CROT: variants seen among roughly 807,000 people sequenced by gnomAD.
CROT encodes the protein peroxisomal carnitine O-octanoyltransferase.
Under a neutral mutation model 89.2 loss-of-function variants are expected in CROT, and 84 were observed. The ratio of observed to expected loss-of-function variants is 0.94; its 90% CI spans 0.79 to 1.13. The LOEUF (loss-of-function observed/expected upper bound fraction) is 1.13. CROT is among the 50% of genes most tolerant of loss of function. CROT has a pLI of 0.00. For synonymous variants in CROT, 212 were observed against 239.5 expected, an observed-to-expected ratio of 0.89 and a Z score of 1.06; for missense variants, 711 against 727.8, an observed-to-expected ratio of 0.98 and a Z score of 0.27.
chr7:87,351,789 G>C (rs1805877159), intron 3 of CROT, among the ~76,000 whole-genome samples: 1 of 152,168 alleles, frequency 6.6e-6, no homozygotes, highest in South Asian at 2.1e-4. Context: ...CTCCACTTTG[G>C]AGAAAGTTGT....
intron 3 of CROT, among the ~76,000 whole-genome samples, chr7:87,358,986 A>G (rs1268445120): frequency 6.6e-6 from 1 of 152,150 alleles, no homozygotes; most frequent in East Asian, 1.9e-4. Flanking sequence ...CTCCCTCCCG[A>G]CTTGCTAATC....
At chr7:87,358,679 C>A (rs1806178505) in intron 3 of CROT, among the ~76,000 whole-genome samples, 1 of 151,926 alleles carries the variant, frequency 6.6e-6, no homozygotes, top group South Asian at 2.1e-4. Context: ...TCATAAAAAT[C>A]TTCATCCTGA....
chr7:87,382,620 A>C, intron 13 of CROT, 77 bp downstream of exon 13: 1 of 1,427,882 alleles, frequency 7.0e-7, no homozygotes, highest in Non-Finnish European at 9.4e-7. Flanking sequence ...TTTCATCCTA[A>C]CTCCTCAGTA....
At chr7:87,364,258 A>T (rs937810516) in intron 6 of CROT, among the ~76,000 whole-genome samples, 2 of 152,178 alleles carry the variant, frequency 1.3e-5, no homozygotes, top group African/African-American at 4.8e-5. Flanking sequence ...TACTTTTGGG[A>T]CATATGTAAA....
intron 10 of CROT, among the ~76,000 whole-genome samples, chr7:87,380,325 T>C (rs957042822): frequency 1.3e-5 from 2 of 152,272 alleles, no homozygotes; most frequent in East Asian, 1.9e-4. Context: ...AGAGGGTGCA[T>C]AGGAAGCATG....
chr7:87,390,639 A>C (rs1443522103), intron 13 of CROT, among the ~76,000 whole-genome samples: 8 of 152,136 alleles, frequency 5.3e-5, no homozygotes, highest in Non-Finnish European at 1.2e-4. Flanking sequence ...AACCAATAAG[A>C]AAGTAAGAGA....
Position 87,381,857 on chromosome 7 carries a change from C to A in CROT, c.979-53C>A. On this transcript the variant is annotated intron_variant, in intron 10 of 17. Transcript: ENST00000331536. ...ACAAAGTGAAAATAAAATATTGGGT[C>A]AAGTTTTAAGTTGACATAAAGTATT... is the stretch of plus-strand genomic sequence containing the variant. 3.2e-6 allele frequency: 4 copies of A among 1,261,480 alleles called. No homozygotes were observed. The South Asian group carries it at 5.4e-5, about 17-fold the overall frequency. The allele number at this position is 1,261,480 out of a possible 1,614,324, so 78.1% of individuals were successfully genotyped here.
At chr7:87,349,563 T>C (rs1414225058) in intron 3 of CROT, among the ~76,000 whole-genome samples, 2 of 152,096 alleles carry the variant, frequency 1.3e-5, no homozygotes, top group Non-Finnish European at 2.9e-5. Flanking sequence ...CAAAGAATTA[T>C]GTTAATCATC....
chr7:87,358,407 A>G (rs965581091), intron 3 of CROT, among the ~76,000 whole-genome samples: 83 of 144,010 alleles, frequency 5.8e-4, no homozygotes, highest in African/African-American at 2.1e-3. Context: ...GTGTGAACCC[A>G]GGAGGCGGAG....
intron 13 of CROT, among the ~76,000 whole-genome samples, chr7:87,390,896 G>A (rs189696614): frequency 3.3e-4 from 50 of 152,258 alleles, no homozygotes; most frequent in African/African-American, 1.2e-3. Context: ...CATATTTTGT[G>A]GGTCAGTAAT....
chr7:87,348,027 C>T (rs950422013), intron 2 of CROT, among the ~76,000 whole-genome samples: 1 of 152,188 alleles, frequency 6.6e-6, no homozygotes, highest in Non-Finnish European at 1.5e-5. Context: ...ATAGTCTCTT[C>T]TGTGTCCATG....
rs757889524 is a variant in CROT, at chr7:87,357,520, C to G, written c.116-1686C>G. ...GTCCCTTTGTAGTCACCAGAACATG[C>G]TACCAGATAAGGGGTCTTGATCCAG... is the stretch of plus-strand genomic sequence containing the variant. On this transcript the variant is annotated intron_variant, in intron 3 of 17. Transcript: ENST00000331536. The G allele has an allele frequency of 5.7e-5, 88 of 1,547,576 alleles. No individual in the cohort carries two copies. In the South Asian group the frequency reaches 9.9e-4, roughly 17 times the overall value.
rs141568955 is a variant in CROT at position 87,393,049 on chromosome 7, A to C, written c.1700A>C (p.Tyr567Ser). The C allele has an allele frequency of 6.2e-7, 1 of 1,613,260 alleles. No individual in the cohort carries two copies. The highest frequency in any genetic ancestry group is 1.3e-5 in the African/African-American group (1 of 74,864). ...GTACACAATGGTTATGGATTTTTCT[A>C]CCATATCAGAGATGACAGGTGAGGC... is the stretch of plus-strand genomic sequence containing the variant. ...PMVHNGYGFF[Y>S]HIRDDRFVVA... The change falls in exon 17 of 18, where the codon TAC becomes TCC. Residue 567 changes from tyrosine (Y) to serine (S), a missense_variant. Physicochemically the swap from Tyr to Ser is moderately radical, Grantham distance 144 (BLOSUM62 -2). Coordinates refer to ENST00000331536, the MANE Select transcript of CROT (RefSeq NM_021151.4).
rs146451977 is a variant in CROT, at chr7:87,375,661, A to T, written c.686A>T (p.His229Leu). 103 of 1,613,380 alleles carry T rather than the reference A, an allele frequency of 6.4e-5. No homozygotes were observed. Among genetic ancestry groups the T allele is most frequent in the Non-Finnish European group, 8.4e-5 (99 of 1,179,496 alleles). Residue 229 changes from histidine (H) to leucine (L), a missense_variant, in exon 8 of 18, where the codon CAT becomes CTT. His to Leu is a moderately conservative substitution (Grantham distance 99). Transcript: ENST00000331536. Reference protein sequence around the residue: ...RQLTYIHKKCHSEPDGPGIAA... With the variant: ...RQLTYIHKKCLSEPDGPGIAA... The stretch of plus-strand genomic sequence containing the variant: ...CTGACATATATCCACAAGAAGTGCC[A>T]TAGTGAACCTGATGGACCTGGGATT...
chr7:87,379,228 A>G (rs1256637179), intron 10 of CROT, among the ~76,000 whole-genome samples: 1 of 152,182 alleles, frequency 6.6e-6, no homozygotes, highest in Non-Finnish European at 1.5e-5. Flanking sequence ...TCCTCTTAAC[A>G]GTATTTTCCT....
chr7:87,364,700 A>G (rs920354643), intron 6 of CROT, among the ~76,000 whole-genome samples: 5 of 152,204 alleles, frequency 3.3e-5, no homozygotes, highest in Admixed American at 1.3e-4. Context: ...GGAGAAGATA[A>G]GGAGCCAAAG....
Position 87,398,556 on chromosome 7 carries a change from G to T in CROT, c.1751G>T (p.Cys584Phe), listed in dbSNP as rs1475370553. 4 of 1,613,582 alleles carry T rather than the reference G, an allele frequency of 2.5e-6. No individual in the cohort carries two copies. Among genetic ancestry groups the T allele is most frequent in the Non-Finnish European group, 3.4e-6 (4 of 1,179,882 alleles). The change falls in exon 18 of 18, where the codon TGT becomes TTT. Residue 584 changes from cysteine (C) to phenylalanine (F), a missense_variant. Transcript: ENST00000331536. ...FVVACSAWKS[C>F]PETDAEKLVQ... ...GTGGCCTGTTCAGCCTGGAAATCCT[G>T]TCCCGAGACTGATGCGGAAAAGCTA...
rs183243288 is a variant in CROT at position 87,370,051 on chromosome 7, A to C, written c.656+567A>C. ...CTATACCTCTTTTACCTTTTCCCTC[A>C]CTTTCCCATGGATTATTTTGAAGAT... is the stretch of plus-strand genomic sequence containing the variant. On this transcript the variant is annotated intron_variant, in intron 7 of 17. Transcript: ENST00000331536. Among the ~76,000 whole-genome samples, 16 of 152,054 alleles carry C rather than the reference A, an allele frequency of 1.1e-4. No individual in the cohort carries two copies. The East Asian group carries it at 2.9e-3, about 28-fold the overall frequency.
At chr7:87,349,526 C>A (rs547301643) in intron 3 of CROT, among the ~76,000 whole-genome samples, 84 of 152,244 alleles carry the variant, frequency 5.5e-4, no homozygotes, top group African/African-American at 1.9e-3. Context: ...AGAAAACAAT[C>A]CTTGACATTT....
Sources: allele counts gnomAD v4.1 joint callset (sites outside exome capture counted in the v4.1 genomes callset), GRCh38; gene constraint gnomAD v4.1.1; transcripts MANE v1.5; gene names NCBI Gene and HGNC (gene_info 2026-07-23, HGNC 2026-07-21).